Variants in ECPAS observed in about 807,000 individuals in gnomAD.
ECPAS encodes Ecm29 proteasome adaptor and scaffold.
ECPAS carries 70 observed loss-of-function variants against 255.1 expected under a neutral mutation model. The ratio of observed to expected loss-of-function variants is 0.27; its 90% confidence interval spans 0.23 to 0.33. The LOEUF is 0.33. ECPAS is among the 10% of genes least tolerant of loss of function. The pLI is 1.00. For synonymous variants in ECPAS, 784 were observed against 775.0 expected (o/e 1.01, Z -0.19); for missense variants, 1,817 against 2,206.4 (o/e 0.82, Z 3.54).
At chr9:111,442,712 A>G (rs952182357) in intron 4 of ECPAS, among the ~76,000 whole-genome samples, 5 of 152,222 alleles carry the variant, frequency 3.3e-5, no homozygotes, top group African/African-American at 1.2e-4. Context: ...AGAAAGAAAT[A>G]ATCAACCTAT....
At chr9:111,422,319 C>A (rs2098215281) in intron 13 of ECPAS, 119 bp from the exon 14 acceptor site, 1 of 1,107,170 alleles carries the variant, frequency 9.0e-7, no homozygotes, top group African/African-American at 1.6e-5. Flanking sequence ...AGCATCATTA[C>A]CCGCTCTGAG....
At position 111,430,184 on chromosome 9, in the gene ECPAS, C is replaced by T. The variant is rs1026774291; in HGVS notation, c.930+363G>A. Among the ~76,000 whole-genome samples, 11 of 152,124 alleles carry T rather than the reference C, an allele frequency of 7.2e-5. 1 individual carries two copies. Among genetic ancestry groups the T allele is most frequent in the Admixed American group, 7.2e-4 (11 of 15,274 alleles). On this transcript the variant is annotated intron_variant, in intron 9 of 49. Coordinates refer to ENST00000684092, the MANE Select transcript of ECPAS (RefSeq NM_001364929.1). ...AACATCAGTATCCACAATGTTTTAC[C>T]GGCACACAACCATGCTCATTCGGTT...
intron 8 of ECPAS, among the ~76,000 whole-genome samples, chr9:111,432,337 G>A (rs1400702724): frequency 1.3e-5 from 2 of 152,196 alleles, no homozygotes; most frequent in Non-Finnish European, 2.9e-5. Context: ...GTTTTGGCCA[G>A]GCGTGGTGGC....
At chr9:111,462,242 C>T (rs1394173033) in intron 2 of ECPAS, among the ~76,000 whole-genome samples, 1 of 152,110 alleles carries the variant, frequency 6.6e-6, no homozygotes, top group Non-Finnish European at 1.5e-5. Flanking sequence ...ATATGATTAG[C>T]AGAATCTGTC....
Position 111,414,536 on chromosome 9 carries a change from A to G in ECPAS, c.1880T>C (p.Leu627Ser), listed in dbSNP as rs1471988496. 2 of 1,613,912 alleles carry G rather than the reference A, an allele frequency of 1.2e-6. No homozygotes were observed. Among genetic ancestry groups the G allele is most frequent in the Non-Finnish European group, 1.7e-6 (2 of 1,179,888 alleles). The change falls in exon 19 of 50, where the codon TTA becomes TCA. Residue 627 changes from leucine (L) to serine (S), a missense_variant. Leu to Ser is a moderately radical substitution (Grantham distance 145). Transcript: ENST00000684092. Reference sequence around the variant, plus strand: ...GGGTGCCATCTGCCCGCTTGACATTAAAGTCCGTATGTAGCGCCCAATGGC... The same window carrying G: ...GGGTGCCATCTGCCCGCTTGACATTGAAGTCCGTATGTAGCGCCCAATGGC... ...APAIGRYIRT[L>S]MSSGQMAPSS...
intron 2 of ECPAS, among the ~76,000 whole-genome samples, chr9:111,463,108 A>T (rs2098275169): frequency 6.6e-6 from 1 of 152,166 alleles, no homozygotes; most frequent in Non-Finnish European, 1.5e-5. Flanking sequence ...TCCATGGCTT[A>T]AAAACAACCA....
intron 25 of ECPAS, among the ~76,000 whole-genome samples, chr9:111,396,560 T>C (rs1332597398): frequency 6.6e-6 from 1 of 152,188 alleles, no homozygotes; most frequent in Non-Finnish European, 1.5e-5. Context: ...TGTCTGCTTT[T>C]TATTTTTTGA....
At chr9:111,374,868 T>C (rs2098131566) in intron 38 of ECPAS, among the ~76,000 whole-genome samples, 2 of 152,306 alleles carry the variant, frequency 1.3e-5, no homozygotes, top group South Asian at 4.1e-4. Flanking sequence ...AGAGGGTATG[T>C]ACACGGCAAC....
Position 111,433,309 on chromosome 9 carries a change from G to A in ECPAS, c.772C>T (p.His258Tyr). 6.2e-7 allele frequency: 1 copy of A among 1,613,986 alleles called. No homozygotes were observed. The highest frequency in any genetic ancestry group is 8.5e-7 in the Non-Finnish European group (1 of 1,179,864). Reference sequence around the variant, plus strand: ...GTATCACTAGAGGCAATCACCAAGTGGAGAACAGCTTCAAGTTCAGGCACC... The same window carrying A: ...GTATCACTAGAGGCAATCACCAAGTAGAGAACAGCTTCAAGTTCAGGCACC... ...EQVPELEAVL[H>Y]LVIASSDTRH... The change falls in exon 8 of 50, where the codon CAC (histidine) becomes TAC (tyrosine). Residue 258 changes from histidine to tyrosine, a missense_variant. Physicochemically the swap from His to Tyr is moderately conservative, Grantham distance 83. Around this residue, in one of 4 missense-constraint regions of ECPAS, gnomAD observed 573 missense variants for 716.2 expected, o/e 0.80. Transcript: ENST00000684092.
Position 111,370,743 on chromosome 9 carries a change from G to T in ECPAS, c.4760C>A (p.Ala1587Asp). Residue 1587 changes from alanine to aspartate, a missense_variant, in exon 44 of 50, where the codon GCC becomes GAC. Transcript: ENST00000684092. ...AGKEELLKAI[A>D]CVVTACSAEL... ...TTACCTGCAAGCTGTCACCACACAG[G>T]CAATGGCTTTCAATAGCTCCTCCTA... is the stretch of plus-strand genomic sequence containing the variant. 1 of 1,606,986 alleles carries T rather than the reference G, an allele frequency of 6.2e-7. No homozygotes were observed. The highest frequency in any genetic ancestry group is 8.5e-7 in the Non-Finnish European group (1 of 1,176,684).
At chr9:111,477,712 G>T (rs140993638) in intron 1 of ECPAS, among the ~76,000 whole-genome samples, 141 of 152,098 alleles carry the variant, frequency 9.3e-4, no homozygotes, top group African/African-American at 3.3e-3. Context: ...AAACTCACAG[G>T]GTTGTTCTGA....
In ECPAS at chr9:111,362,177, A is replaced by G. The variant is rs747654777; in HGVS notation, c.5381-8T>C. 2.4e-5 allele frequency: 12 copies of G among 505,660 alleles called. No individual in the cohort carries two copies. The highest frequency in any genetic ancestry group is 1.1e-4 in the East Asian group (1 of 9,128). The allele number at this position is 505,660 out of a possible 1,614,324, so 31.3% of individuals were successfully genotyped here. A position where few individuals can be genotyped will look rare whatever the true frequency, so the allele number is the denominator to read the frequency against. ...ATTCCCACTGTTTAGATTCTGCATG[A>G]AAAAAAAAAAACAAAAACAAAAAAA... On this transcript the variant is annotated splice_polypyrimidine_tract_variant and splice_region_variant and intron_variant, in intron 49 of 49. Transcript: ENST00000684092.
chr9:111,471,832 G>A (rs1307924237), intron 2 of ECPAS, among the ~76,000 whole-genome samples: 2 of 152,150 alleles, frequency 1.3e-5, no homozygotes, highest in African/African-American at 2.4e-5. Flanking sequence ...GCTGGGCATG[G>A]TGGCTCACAC....
intron 1 of ECPAS, 165 bp downstream of exon 1, chr9:111,483,951 C>A (rs898530861): frequency 7.6e-4 from 731 of 960,364 alleles, no homozygotes; most frequent in Non-Finnish European, 8.7e-4. Flanking sequence ...GCGCGCCCGC[C>A]CGCCCTCGCT....
chr9:111,441,680 C>G (rs2098246210), intron 5 of ECPAS, among the ~76,000 whole-genome samples: 1 of 152,176 alleles, frequency 6.6e-6, no homozygotes, highest in Non-Finnish European at 1.5e-5. Flanking sequence ...CAATTACAAA[C>G]AGTACTTGTA....
chr9:111,377,093 C>G (rs543323723), intron 36 of ECPAS, among the ~76,000 whole-genome samples: 1 of 152,218 alleles, frequency 6.6e-6, no homozygotes, highest in Admixed American at 6.5e-5. Context: ...ATTCTCAATG[C>G]TTAGTAAACA....
At chr9:111,363,027 TGAGA>T (rs1013876756) in intron 49 of ECPAS, among the ~76,000 whole-genome samples, 7 of 151,828 alleles carry the variant, frequency 4.6e-5, no homozygotes, top group African/African-American at 1.7e-4. Context: ...GAAAACAATT[TGAGA>T]GAGAGAGAGA....
chr9:111,419,686 G>C (rs2098210199), intron 16 of ECPAS, among the ~76,000 whole-genome samples: 1 of 150,922 alleles, frequency 6.6e-6, no homozygotes, highest in Non-Finnish European at 1.5e-5. Flanking sequence ...CTTGTTTTTA[G>C]ATATATAATT....
intron 2 of ECPAS, among the ~76,000 whole-genome samples, chr9:111,470,653 A>C (rs2098286409): frequency 6.6e-6 from 1 of 151,818 alleles, no homozygotes; most frequent in South Asian, 2.1e-4. Context: ...CTGCCAATCC[A>C]GCATAGCCCA....
Sources: allele counts gnomAD v4.1 joint callset (sites outside exome capture counted in the v4.1 genomes callset), GRCh38; gene constraint gnomAD v4.1.1; regional missense constraint gnomAD v4.1.1; transcripts MANE v1.5; gene names NCBI Gene and HGNC (gene_info 2026-07-23, HGNC 2026-07-21).